Variants in ARHGAP22 observed in about 807,000 individuals in gnomAD.
ARHGAP22 encodes Rho GTPase activating protein 22, also known as rho GTPase-activating protein 22.
In ARHGAP22, 48 loss-of-function variants were observed where a neutral mutation model predicts 59.1. That is an observed-to-expected ratio of 0.81 (90% CI 0.64 to 1.03). The LOEUF is 1.03. Among genes scored for constraint, ARHGAP22 ranks in the 50% least tolerant of loss-of-function variants. ARHGAP22 has a pLI of 0.00. For synonymous variants in ARHGAP22, 445 were observed against 416.4 expected (o/e 1.07, Z -0.84); for missense variants, 1,015 against 958.7 (o/e 1.06, Z -0.78).
chr10:48,475,154 C>A (rs2048591735), intron 4 of ARHGAP22, among the ~76,000 whole-genome samples: 2 of 152,208 alleles, frequency 1.3e-5, no homozygotes, highest in Admixed American at 6.5e-5. Flanking sequence ...CTCAAGTCAC[C>A]AATGACTGCT....
At chr10:48,437,566 A>C in the ARHGAP22 span, 1 of 150,964 alleles carries the variant, frequency 6.6e-6, no homozygotes, top group Non-Finnish European at 1.5e-5. Context: ...CCTGGTTACT[A>C]TTCTCTTCCC....
At chr10:48,429,882 C>T in the ARHGAP22 span, 3 of 152,100 alleles carry the variant, frequency 2.0e-5, no homozygotes, top group Non-Finnish European at 4.4e-5. Context: ...CCTTGAAATT[C>T]GATGCAATAT....
the ARHGAP22 span, chr10:48,429,872 C>T: frequency 6.6e-6 from 1 of 152,198 alleles, no homozygotes; most frequent in African/African-American, 2.4e-5. Context: ...AACACAGACT[C>T]CTTGAAATTC....
intron 3 of ARHGAP22, among the ~76,000 whole-genome samples, chr10:48,488,094 G>T (rs546862712): frequency 6.6e-6 from 1 of 152,122 alleles, no homozygotes; most frequent in Non-Finnish European, 1.5e-5. Context: ...AACAGCAATA[G>T]AAAACTAATA....
At chr10:48,538,822 CT>C (rs1248703191) in intron 3 of ARHGAP22, among the ~76,000 whole-genome samples, 1 of 152,192 alleles carries the variant, frequency 6.6e-6, no homozygotes, top group African/African-American at 2.4e-5. Flanking sequence ...CTGGAATTTG[CT>C]CCAGGTGACA....
intron 3 of ARHGAP22, among the ~76,000 whole-genome samples, chr10:48,512,557 A>G (rs2052888133): frequency 6.6e-6 from 1 of 152,268 alleles, no homozygotes; most frequent in Non-Finnish European, 1.5e-5. Context: ...CCTCAAGCCA[A>G]ATAATAATCA....
At chr10:48,632,627 T>A (rs2061666285) in intron 1 of ARHGAP22, among the ~76,000 whole-genome samples, 1 of 152,102 alleles carries the variant, frequency 6.6e-6, no homozygotes, top group Admixed American at 6.6e-5. Context: ...CCTGCTTAGG[T>A]CTGTGGTTTG....
intron 1 of ARHGAP22, among the ~76,000 whole-genome samples, chr10:48,645,225 A>G (rs2062243162): frequency 6.6e-6 from 1 of 152,152 alleles, no homozygotes; most frequent in Non-Finnish European, 1.5e-5. Flanking sequence ...ATACTTCACA[A>G]CATTTTTCAG....
At chr10:48,462,191 G>C (rs1867578) in intron 4 of ARHGAP22, among the ~76,000 whole-genome samples, 1 of 148,192 alleles carries the variant, frequency 6.7e-6, no homozygotes, top group African/African-American at 2.5e-5. Flanking sequence ...GCTTATAAAC[G>C]TATGTGCATA....
At chr10:48,457,326 G>A (rs1229711489) in intron 5 of ARHGAP22, among the ~76,000 whole-genome samples, 2 of 152,142 alleles carry the variant, frequency 1.3e-5, no homozygotes, top group East Asian at 3.8e-4. Context: ...CCCCACCTGG[G>A]TGTCCGCAGG....
intron 5 of ARHGAP22, 71 bp from the exon 6 acceptor site, chr10:48,455,205 C>T: frequency 6.8e-7 from 1 of 1,479,632 alleles, no homozygotes; most frequent in Non-Finnish European, 9.0e-7. Flanking sequence ...CTGGTACGCC[C>T]TGACGCCAAG....
chr10:48,491,353 G>T (rs956040843), intron 3 of ARHGAP22, among the ~76,000 whole-genome samples: 4 of 152,128 alleles, frequency 2.6e-5, no homozygotes, highest in African/African-American at 9.7e-5. Context: ...CCCCCTTCAG[G>T]TCTTTCTTCA....
chr10:48,471,860 A>G (rs1218498903), intron 4 of ARHGAP22, among the ~76,000 whole-genome samples: 1 of 152,244 alleles, frequency 6.6e-6, no homozygotes, highest in East Asian at 1.9e-4. Flanking sequence ...ATGATGTATT[A>G]CATCAAGACA....
At chr10:48,438,045 T>A in the ARHGAP22 span, 1 of 152,272 alleles carries the variant, frequency 6.6e-6, no homozygotes, top group African/African-American at 2.4e-5. Context: ...AAGACTTAAC[T>A]ATTCAGTGTT....
intron 1 of ARHGAP22, among the ~76,000 whole-genome samples, chr10:48,642,625 C>A (rs1250012363): frequency 2.0e-5 from 3 of 152,088 alleles, no homozygotes; most frequent in Non-Finnish European, 2.9e-5. Flanking sequence ...GACCTAAAAC[C>A]ATAAAAACCC....
At chr10:48,509,435 C>T (rs2052524905) in intron 3 of ARHGAP22, among the ~76,000 whole-genome samples, 1 of 152,238 alleles carries the variant, frequency 6.6e-6, no homozygotes, top group Admixed American at 6.5e-5. Flanking sequence ...TGTGCAGACG[C>T]TCCATGAATG....
chr10:48,523,295 G>A (rs1276059979), intron 3 of ARHGAP22, among the ~76,000 whole-genome samples: 1 of 152,220 alleles, frequency 6.6e-6, no homozygotes, highest in Non-Finnish European at 1.5e-5. Context: ...TAATAAGCGC[G>A]GCAGGTGAGT....
intron 2 of ARHGAP22, among the ~76,000 whole-genome samples, chr10:48,557,088 C>CCA (rs1413240642): frequency 1.3e-5 from 2 of 152,198 alleles, no homozygotes; most frequent in Non-Finnish European, 1.5e-5. Context: ...CAGCAATAAA[C>CCA]CAGAGAACCA....
In ARHGAP22 at chr10:48,479,776, G is replaced by T; in HGVS notation, c.323-12C>A. ...CTCCCCGGCACCACCTGCAAGACAGGGAGACACAGGCTTACGCAGGGTCCC... is the reference window on the plus strand; with the variant it reads ...CTCCCCGGCACCACCTGCAAGACAGTGAGACACAGGCTTACGCAGGGTCCC... On this transcript the variant is annotated splice_polypyrimidine_tract_variant and intron_variant, in intron 3 of 9. Transcript: ENST00000249601. 6.4e-7 allele frequency: 1 copy of T among 1,570,312 alleles called. No homozygotes were observed.
Sources: gnomAD v4.1 joint callset for allele counts (sites outside exome capture counted in the v4.1 genomes callset) on GRCh38, gnomAD v4.1.1 for gene constraint, MANE v1.5 for transcripts, NCBI Gene and HGNC (gene_info 2026-07-23, HGNC 2026-07-21) for gene names.